Variants in RUVBL2 observed in about 807,000 individuals in gnomAD.
The protein encoded by RUVBL2 is ruvB-like 2.
A neutral mutation model predicts 57.9 loss-of-function variants in RUVBL2; 9 were observed. The observed-to-expected ratio is 0.16, with a 90% CI of 0.09 to 0.27. The LOEUF (loss-of-function observed/expected upper bound fraction) is 0.27, where lower values mean the gene tolerates loss of function less well. Among genes scored for constraint, RUVBL2 ranks in the 10% least tolerant of loss-of-function variants. The pLI is 1.00. For missense variants in RUVBL2, 456 were observed against 669.6 expected, an observed-to-expected ratio of 0.68 and a Z score of 3.52; for synonymous variants, 278 against 264.6, an observed-to-expected ratio of 1.05 and a Z score of -0.49.
At chr19:49,010,886 G>A (rs762969949) in intron 9 of RUVBL2, 113 bp from the exon 10 acceptor site, 2 of 1,017,928 alleles carry the variant, frequency 2.0e-6, no homozygotes, top group Non-Finnish European at 3.0e-6. Flanking sequence ...ATCCCTCCTT[G>A]CTTTGCTCCC....
Position 49,010,470 on chromosome 19 carries a change from C to CCG in RUVBL2, c.664-17_664-16insGC. On this transcript the variant is annotated splice_polypyrimidine_tract_variant and intron_variant, in intron 8 of 14. Transcript: ENST00000595090. ...CCTGCCCTGTCTCCGCCGTTCTTCC[C>CCG]CCACCCCCGCCCCATAGACCAAGTT... 8.3e-7 allele frequency: 1 copy of CCG among 1,211,170 alleles called. No individual in the cohort carries two copies. Among genetic ancestry groups the CCG allele is most frequent in the Non-Finnish European group, 1.2e-6 (1 of 861,234 alleles). The allele number at this position is 1,211,170 out of a possible 1,614,324, so 75.0% of individuals were successfully genotyped here. A position where few individuals can be genotyped will look rare whatever the true frequency, so the allele number is the denominator to read the frequency against.
chr19:49,007,997 A>C (rs925342151), intron 6 of RUVBL2, among the ~76,000 whole-genome samples: 2 of 137,800 alleles, frequency 1.5e-5, no homozygotes, highest in South Asian at 4.5e-4. Flanking sequence ...GTGAGCCACC[A>C]TACCTGGCCT....
At chr19:48,994,447 G>A (rs777886824) in intron 1 of RUVBL2, 9 of 156,676 alleles carry the variant, frequency 5.7e-5, no homozygotes, top group South Asian at 3.5e-4. Flanking sequence ...TGAAGGATTA[G>A]GGACCCAGAA....
intron 13 of RUVBL2, 40 bp from the exon 14 acceptor site, chr19:49,015,532 C>T (rs762457885): frequency 1.2e-5 from 18 of 1,469,034 alleles, no homozygotes; most frequent in Middle Eastern, 1.7e-4. Context: ...TTGAGCCTCA[C>T]GGAGAGGGGC....
Position 49,003,273 on chromosome 19 carries a change from A to T in RUVBL2, c.68-6A>T. On this transcript the variant is annotated splice_polypyrimidine_tract_variant and splice_region_variant and intron_variant, in intron 2 of 14. Transcript: ENST00000595090. Reference sequence around the variant, plus strand: ...AACTGAGTCTTTGTTCTTTCCCTTCATGTAGGTGCCCACTCCCACATCCGG... The same window carrying T: ...AACTGAGTCTTTGTTCTTTCCCTTCTTGTAGGTGCCCACTCCCACATCCGG... 1 of 1,613,484 alleles carries T rather than the reference A, an allele frequency of 6.2e-7. No individual in the cohort carries two copies. Among genetic ancestry groups the T allele is most frequent in the Non-Finnish European group, 8.5e-7 (1 of 1,179,778 alleles).
chr19:49,007,391 C>G lies in RUVBL2; in HGVS notation c.462+23C>G, dbSNP rs140732387. On this transcript the variant is annotated intron_variant, in intron 6 of 14. Transcript: ENST00000595090. ...ACGGTGAGTCTGTGTGAGTCTGTACCCTGCTGAGGCCACCTCCAGCGCCAG... is the reference window on the plus strand; with the variant it reads ...ACGGTGAGTCTGTGTGAGTCTGTACGCTGCTGAGGCCACCTCCAGCGCCAG... The G allele has an allele frequency of 2.9e-3, 4,609 of 1,605,586 alleles. 7 individuals are homozygous for G. Among genetic ancestry groups the G allele is most frequent in the Admixed American group, 5.6e-3 (333 of 59,112 alleles).
rs923724005 is a variant in RUVBL2 at position 49,015,355 on chromosome 19, G to T, written c.1251+205G>T. On this transcript the variant is annotated intron_variant, in intron 13 of 14. Coordinates refer to ENST00000595090, the MANE Select transcript of RUVBL2 (RefSeq NM_006666.3). ...CTCTTGACTTAAGTAGATGCTGTTA[G>T]GTCCACCTTACAGATAAAGAAACTG... The T allele has an allele frequency of 5.5e-6, 4 of 727,364 alleles. No individual in the cohort carries two copies. The Admixed American group carries it at 6.8e-5, about 12-fold the overall frequency. The allele number at this position is 727,364 out of a possible 1,614,324, so 45.1% of individuals were successfully genotyped here.
Position 49,011,142 on chromosome 19 carries a change from C to T in RUVBL2, c.882+49C>T, listed in dbSNP as rs186331981. On this transcript the variant is annotated intron_variant, in intron 10 of 14. Transcript: ENST00000595090. This position sits in a 1 kb window ranked among gnomAD's most constrained non-coding sequence, Gnocchi z 4.4. ...GGCGGGTGGTGGGGTGGAGGTGGGC[C>T]GGGGAAGTGGGGACGCGGGTGGTGA... 4.3e-5 allele frequency: 63 copies of T among 1,466,074 alleles called. No individual in the cohort carries two copies. Among genetic ancestry groups the T allele is most frequent in the Middle Eastern group, 1.8e-4 (1 of 5,632 alleles). The allele number at this position is 1,466,074 out of a possible 1,614,324, so 90.8% of individuals were successfully genotyped here.
intron 4 of RUVBL2, among the ~76,000 whole-genome samples, chr19:49,006,045 T>C (rs112803349): frequency 1.3e-5 from 2 of 152,260 alleles, no homozygotes; most frequent in African/African-American, 4.8e-5. Context: ...GGGGTGAGGC[T>C]AGCCTCGCCC....
At chr19:49,006,052 G>A (rs917371207) in intron 4 of RUVBL2, among the ~76,000 whole-genome samples, 1 of 152,242 alleles carries the variant, frequency 6.6e-6, no homozygotes, top group African/African-American at 2.4e-5. Context: ...GGCTAGCCTC[G>A]CCCTGGCGGG....
chr19:49,010,242 A>G lies in RUVBL2; in HGVS notation c.663+176A>G, dbSNP rs113405638. 3.3e-3 allele frequency: 2,390 copies of G among 722,308 alleles called. 42 individuals carry two copies. In the African/African-American group the frequency reaches 0.035, roughly 10 times the overall value. The allele number at this position is 722,308 out of a possible 1,614,324, so 44.7% of individuals were successfully genotyped here. On this transcript the variant is annotated intron_variant, in intron 8 of 14. Transcript: ENST00000595090. ...GCAGGGCCCCTCAGCCTGGCACTAT[A>G]GCTTCGCATGGCCACATGTGGCCTG...
intron 8 of RUVBL2, 189 bp from the exon 9 acceptor site, chr19:49,010,299 A>T: frequency 1.4e-6 from 1 of 690,966 alleles, no homozygotes; most frequent in East Asian, 2.7e-5. Context: ...AGCCCCCGTG[A>T]CCCTCAGCGC....
At chr19:49,015,500 G>A in intron 13 of RUVBL2, 72 bp from the exon 14 acceptor site, 3 of 1,127,720 alleles carry the variant, frequency 2.7e-6, no homozygotes, top group Non-Finnish European at 4.1e-6. Flanking sequence ...GCATGGAGGT[G>A]GCATACGCTG....
chr19:49,001,722 C>G (rs1600174417), intron 2 of RUVBL2: 1 of 151,926 alleles, frequency 6.6e-6, no homozygotes, highest in East Asian at 2.0e-4. Flanking sequence ...ACACCATTCT[C>G]CTGTCAGCCT....
At chr19:49,009,332 C>A (rs1035186629) in intron 6 of RUVBL2, among the ~76,000 whole-genome samples, 10 of 150,536 alleles carry the variant, frequency 6.6e-5, no homozygotes, top group African/African-American at 2.5e-4. Flanking sequence ...ACTAAAAATA[C>A]AAAAATTAGC....
chr19:49,005,037 T>C (rs1225885029), intron 4 of RUVBL2, among the ~76,000 whole-genome samples: 1 of 151,986 alleles, frequency 6.6e-6, no homozygotes, highest in Non-Finnish European at 1.5e-5. Context: ...AAGGTGGGTA[T>C]TGAGGAGTCA....
intron 6 of RUVBL2, among the ~76,000 whole-genome samples, chr19:49,008,596 AG>A (rs1398401352): frequency 6.6e-6 from 1 of 151,806 alleles, no homozygotes; most frequent in African/African-American, 2.4e-5. Flanking sequence ...CTGTAATCCC[AG>A]CACTTTGGGA....
intron 7 of RUVBL2, 35 bp from the exon 8 acceptor site, chr19:49,009,938 T>C: frequency 6.2e-7 from 1 of 1,611,184 alleles, no homozygotes; most frequent in Non-Finnish European, 8.5e-7. Flanking sequence ...CTTGGGCCCA[T>C]TCCTTTCCTT....
intron 1 of RUVBL2, among the ~76,000 whole-genome samples, chr19:48,997,475 A>C (rs1398113805): frequency 2.6e-5 from 4 of 151,880 alleles, no homozygotes; most frequent in African/African-American, 7.3e-5. Flanking sequence ...AAATACAAAA[A>C]AATATTAGCC....
Sources: allele counts gnomAD v4.1 joint callset (sites outside exome capture counted in the v4.1 genomes callset), GRCh38; gene constraint gnomAD v4.1.1; non-coding constraint Gnocchi (gnomAD v3.1); transcripts MANE v1.5; gene names NCBI Gene and HGNC (gene_info 2026-07-23, HGNC 2026-07-21).